The following TAFA3 variants were observed in gnomAD, a reference collection of about 807,000 sequenced individuals.
TAFA3 encodes the protein chemokine-like protein TAFA-3.
Under a neutral mutation model 20.7 loss-of-function variants are expected in TAFA3, and 17 were observed. That is an observed-to-expected ratio of 0.82 (90% CI 0.56 to 1.23). The LOEUF is 1.23. TAFA3 is among the 50% of genes most tolerant of loss of function. The probability of loss-of-function intolerance (pLI) is 0.00; values close to 1 mark genes in which losing one functional copy is unlikely to be tolerated. For missense variants in TAFA3, 174 were observed against 172.8 expected, an observed-to-expected ratio of 1.01 and a Z score of -0.04; for synonymous variants, 74 against 71.8, an observed-to-expected ratio of 1.03 and a Z score of -0.16.
Position 112,723,125 on chromosome 1 carries a change from G to A in TAFA3, c.225G>A (p.Gln75=). Residue 75 remains glutamine (Q), a synonymous_variant, in exon 4 of 6, where the codon CAG becomes CAA. Coordinates refer to ENST00000361886, the MANE Select transcript of TAFA3 (RefSeq NM_182759.3). ...QTVKCSCFSG[Q]VAGTTRAKPS... ...TGAAATGCTCCTGTTTTTCTGGCCA[G>A]GTGGCCGGCACCACGCGGGCAAAGC... 1 of 1,613,370 alleles carries A rather than the reference G, an allele frequency of 6.2e-7. No homozygotes were observed. The highest frequency in any genetic ancestry group is 8.5e-7 in the Non-Finnish European group (1 of 1,179,878).
chr1:112,726,223 C>T (rs1675468103), intron 5 of TAFA3, among the ~76,000 whole-genome samples: 1 of 152,188 alleles, frequency 6.6e-6, no homozygotes, highest in African/African-American at 2.4e-5. Flanking sequence ...GAGCACACAA[C>T]AAAAGGAGCT....
chr1:112,722,930 G>T, intron 3 of TAFA3, 86 bp from the exon 4 acceptor site: 1 of 1,493,724 alleles, frequency 6.7e-7, no homozygotes, highest in South Asian at 1.3e-5. Flanking sequence ...CTGCAGCAGG[G>T]AGGAGGGGCT....
intron 3 of TAFA3, 113 bp from the exon 4 acceptor site, chr1:112,722,901 GTC>G: frequency 7.5e-7 from 1 of 1,334,046 alleles, no homozygotes; most frequent in African/African-American, 1.5e-5. Context: ...GCCACTGGCA[GTC>G]TCTTCCATAG....
intron 1 of TAFA3, among the ~76,000 whole-genome samples, chr1:112,720,146 G>A (rs761335525): frequency 6.6e-6 from 1 of 152,050 alleles, no homozygotes; most frequent in African/African-American, 2.4e-5. Context: ...TGCCATAGTG[G>A]GTAGGAGGTG....
At chr1:112,724,947 C>G (rs1675433399) in intron 5 of TAFA3, among the ~76,000 whole-genome samples, 1 of 151,404 alleles carries the variant, frequency 6.6e-6, no homozygotes, top group East Asian at 1.9e-4. Context: ...GTATGTTCAT[C>G]AAAGCAGTAT....
At chr1:112,723,268 G>T in intron 4 of TAFA3, 103 bp downstream of exon 4, 2 of 1,413,622 alleles carry the variant, frequency 1.4e-6, no homozygotes, top group Non-Finnish European at 1.9e-6. Flanking sequence ...ACCCGTCTCA[G>T]GGCTTTCATG....
intron 2 of TAFA3, 75 bp from the exon 3 acceptor site, chr1:112,722,158 G>A (rs1310791212): frequency 1.3e-6 from 2 of 1,481,718 alleles, no homozygotes; most frequent in African/African-American, 1.4e-5. Flanking sequence ...CAGAGTGTGT[G>A]GCACAGAGAA....
At chr1:112,725,411 A>C (rs984207657) in intron 5 of TAFA3, among the ~76,000 whole-genome samples, 3 of 152,036 alleles carry the variant, frequency 2.0e-5, no homozygotes, top group Non-Finnish European at 4.4e-5. Flanking sequence ...AAAAAAAAAA[A>C]AAAACATAGT....
At position 112,727,043 on chromosome 1, in the gene TAFA3, G is replaced by A; in HGVS notation, c.*403G>A. On this transcript the variant is annotated 3_prime_UTR_variant, in exon 6 of 6. Transcript: ENST00000361886. ...GTTCTTCAGATACCCTGTGGCCACA[G>A]GGCATAGAAACAAGAGGTCACATTC... The A allele has an allele frequency of 4.6e-6, 1 of 216,434 alleles. No homozygotes were observed. Among genetic ancestry groups the A allele is most frequent in the Non-Finnish European group, 9.3e-6 (1 of 107,718 alleles). 13.4% of individuals were successfully genotyped at this position (216,434 alleles called of 1,614,324 possible).
chr1:112,723,915 GGT>G, intron 4 of TAFA3, 96 bp from the exon 5 acceptor site: 1 of 1,611,502 alleles, frequency 6.2e-7, no homozygotes, highest in Non-Finnish European at 8.5e-7. Flanking sequence ...CAAGGCCAGG[GGT>G]GTGTGGAAAC....
At chr1:112,722,389 G>T (rs773471543) in intron 3 of TAFA3, 41 bp downstream of exon 3, 3 of 1,547,928 alleles carry the variant, frequency 1.9e-6, no homozygotes, top group Non-Finnish European at 1.8e-6. Context: ...GAGTTTCCCA[G>T]GACACCTGGG....
rs565598681 is a variant in TAFA3, at chr1:112,719,928, C to T, written c.-60+629C>T. Reference sequence around the variant, plus strand: ...TAGGACTCAGGGGTCTCTGTCCTTCCGGGGCCCCACCATCCTATATGTTTC... The same window carrying T: ...TAGGACTCAGGGGTCTCTGTCCTTCTGGGGCCCCACCATCCTATATGTTTC... On this transcript the variant is annotated intron_variant, in intron 1 of 5. Transcript: ENST00000361886. Among the ~76,000 whole-genome samples, 11 of 152,200 alleles carry T rather than the reference C, an allele frequency of 7.2e-5. No homozygotes were observed. In the South Asian group the frequency reaches 1.5e-3, roughly 20 times the overall value.
intron 2 of TAFA3, 90 bp downstream of exon 2, chr1:112,720,724 G>A (rs1233707799): frequency 6.6e-6 from 1 of 152,298 alleles, no homozygotes; most frequent in African/African-American, 2.4e-5. Flanking sequence ...CTAGCAGTTG[G>A]TTTGGCCTCT....
In TAFA3 at chr1:112,722,308, C is replaced by A. The variant is rs35995150; in HGVS notation, c.75C>A (p.Thr25=). ...CACTGTGCCTGGCCTGGCTGTGGAC[C>A]CACCTGACCTTGGCTGCCTTGCAGC... is the stretch of plus-strand genomic sequence containing the variant. ...LLALCLAWLW[T]HLTLAALQPP... is the part of the protein sequence containing the mutation. The change falls in exon 3 of 6, where the codon ACC becomes ACA. Residue 25 remains threonine, a synonymous_variant. Transcript: ENST00000361886. 9.9e-6 allele frequency: 16 copies of A among 1,613,782 alleles called. No homozygotes were observed. The East Asian group carries it at 2.5e-4, about 25-fold the overall frequency.
rs902411928 is a variant in TAFA3, at chr1:112,724,401, C to T, written c.390+264C>T. Among the ~76,000 whole-genome samples the T allele has an allele frequency of 3.3e-5, 5 of 151,886 alleles. No individual in the cohort carries two copies. In the South Asian group the frequency reaches 1.0e-3, roughly 32 times the overall value. On this transcript the variant is annotated intron_variant, in intron 5 of 5. Coordinates refer to ENST00000361886, the MANE Select transcript of TAFA3 (RefSeq NM_182759.3). ...TCCTGTCTGCCTGGAATTAGTTTGC[C>T]TCCAGAAAATATCAGGCCTATAAAA...
In TAFA3 at chr1:112,722,251, G is replaced by A. The variant is rs1675346006; in HGVS notation, c.18G>A (p.Glu6=). 1 of 1,614,150 alleles carries A rather than the reference G, an allele frequency of 6.2e-7. No individual in the cohort carries two copies. Among genetic ancestry groups the A allele is most frequent in the Non-Finnish European group, 8.5e-7 (1 of 1,180,014 alleles). The change falls in exon 3 of 6, where the codon GAG becomes GAA. Residue 6 remains glutamate (E), a synonymous_variant. Transcript: ENST00000361886. ...TCCGCAGGATGAGTGAGAGGGTCGA[G>A]CGGAACTGGAGCACGGGCGGCTGGC... The part of the protein sequence containing the change: MSERV[E]RNWSTGGWLL...
rs982190917 is a variant in TAFA3, at chr1:112,719,201, C to T, written c.-158C>T. 6.6e-6 allele frequency among the ~76,000 whole-genome samples: 1 copy of T among 152,236 alleles called. No homozygotes were observed. The highest frequency in any genetic ancestry group is 1.5e-5 in the Non-Finnish European group (1 of 68,040). On this transcript the variant is annotated 5_prime_UTR_variant, in exon 1 of 6. Transcript: ENST00000361886. ...CTAGACAGCACCCAAGCTGGCCGCT[C>T]CCTCCCAAAGTCTGTCTTTCGGAGT...
At chr1:112,724,415 A>C (rs1675409641) in intron 5 of TAFA3, among the ~76,000 whole-genome samples, 1 of 151,992 alleles carries the variant, frequency 6.6e-6, no homozygotes, top group South Asian at 2.1e-4. Flanking sequence ...AGAAAATATC[A>C]GGCCTATAAA....
At chr1:112,721,660 T>TC (rs796627438) in intron 2 of TAFA3, among the ~76,000 whole-genome samples, 1 of 152,136 alleles carries the variant, frequency 6.6e-6, no homozygotes, top group Admixed American at 6.5e-5. Context: ...TTGCTTTTTT[T>TC]CCCCCTTAAC....
Sources: gnomAD v4.1 joint callset for allele counts (sites outside exome capture counted in the v4.1 genomes callset) on GRCh38, gnomAD v4.1.1 for gene constraint, MANE v1.5 for transcripts, NCBI Gene and HGNC (gene_info 2026-07-23, HGNC 2026-07-21) for gene names.